The following KLC1 variants were observed in gnomAD, a reference collection of about 807,000 sequenced individuals.
KLC1 encodes the protein kinesin 2 60/70kDa.
KLC1 carries 30 observed loss-of-function variants against 84.2 expected under a neutral mutation model. The ratio of observed to expected loss-of-function variants is 0.36; its 90% CI spans 0.27 to 0.48. The LOEUF (loss-of-function observed/expected upper bound fraction) is 0.48. Among genes scored for constraint, KLC1 ranks in the 20% least tolerant of loss-of-function variants. The probability of loss-of-function intolerance (pLI) is 0.99; values close to 1 mark genes in which losing one functional copy is unlikely to be tolerated. For missense variants in KLC1, 499 were observed against 805.4 expected (o/e 0.62, Z 4.60); for synonymous variants, 289 against 293.3 (o/e 0.99, Z 0.15).
At chr14:103,659,599 C>CTAA (rs2079117405) in intron 3 of KLC1, among the ~76,000 whole-genome samples, 1 of 152,176 alleles carries the variant, frequency 6.6e-6, no homozygotes, top group African/African-American at 2.4e-5. Context: ...GCATTTGGAA[C>CTAA]TAACGTTTTT....
intron 15 of KLC1, chr14:103,699,289 C>T (rs2082890322): frequency 6.5e-7 from 1 of 1,544,158 alleles, no homozygotes; most frequent in African/African-American, 1.4e-5. Context: ...ACCCGCCCCA[C>T]CTCCAGACCG....
chr14:103,629,562 C>T (rs546230545), intron 1 of KLC1, 68 bp downstream of exon 1: 3 of 152,778 alleles, frequency 2.0e-5, no homozygotes, highest in African/African-American at 4.8e-5. Context: ...CTGTCCCGCT[C>T]CTCTTCGGAC....
At chr14:103,687,273 C>T in intron 14 of KLC1, 62 bp downstream of exon 14, 2 of 1,448,230 alleles carry the variant, frequency 1.4e-6, no homozygotes, top group South Asian at 2.5e-5. Context: ...GCTTCTCTTC[C>T]TAGCGCAGCC....
intron 1 of KLC1, among the ~76,000 whole-genome samples, chr14:103,648,242 C>G (rs1157317957): frequency 1.3e-5 from 2 of 152,136 alleles, no homozygotes; most frequent in Admixed American, 1.3e-4. Flanking sequence ...AGCCACCGCG[C>G]CCAGCCTGTA....
At chr14:103,654,891 A>G (rs1406583659) in intron 2 of KLC1, 66 bp downstream of exon 2, 1 of 1,518,316 alleles carries the variant, frequency 6.6e-7, no homozygotes, top group Non-Finnish European at 8.9e-7. Context: ...CTTGTTTGAA[A>G]TAAGCAGTTT....
At chr14:103,642,611 C>T (rs1342261528) in intron 1 of KLC1, among the ~76,000 whole-genome samples, 16 of 152,016 alleles carry the variant, frequency 1.1e-4, no homozygotes, top group African/African-American at 3.6e-4. Context: ...TAAGATGAGC[C>T]TGAAGCTTCT....
chr14:103,647,189 GT>G (rs2078008058), intron 1 of KLC1, among the ~76,000 whole-genome samples: 1 of 151,674 alleles, frequency 6.6e-6, no homozygotes, highest in African/African-American at 2.4e-5. Context: ...TTGAGCATGG[GT>G]TTTTTATTTA....
At chr14:103,689,655 CAGTGCTG>C (rs1457815251) in intron 14 of KLC1, among the ~76,000 whole-genome samples, 1 of 150,296 alleles carries the variant, frequency 6.7e-6, no homozygotes, top group African/African-American at 2.4e-5. Context: ...CAAGTTCCCA[CAGTGCTG>C]GGGCTGCTGG....
chr14:103,699,420 C>T (rs1302863995), intron 15 of KLC1: 1 of 1,612,318 alleles, frequency 6.2e-7, no homozygotes, highest in Non-Finnish European at 8.5e-7. Context: ...CGCAGCGTGG[C>T]CCCCAGGGAC....
chr14:103,668,826 G>A (rs1029539150), intron 5 of KLC1, among the ~76,000 whole-genome samples: 2 of 137,186 alleles, frequency 1.5e-5, no homozygotes, highest in Admixed American at 1.5e-4. Flanking sequence ...CGCCTAGGCT[G>A]GAGTGCAGTG....
intron 7 of KLC1, 70 bp from the exon 8 acceptor site, chr14:103,672,944 A>T (rs2080543989): frequency 3.6e-6 from 5 of 1,382,060 alleles, no homozygotes; most frequent in Non-Finnish European, 5.1e-6. Flanking sequence ...TCCTGATGTG[A>T]CAGTAGGGTG....
chr14:103,675,655 A>G (rs1214077757), intron 10 of KLC1, 34 bp from the exon 11 acceptor site: 1 of 1,604,158 alleles, frequency 6.2e-7, no homozygotes, highest in Non-Finnish European at 8.5e-7. Flanking sequence ...CATTCAAGAT[A>G]ATTATTCATT....
chr14:103,686,211 ACT>A (rs1443990429), intron 13 of KLC1: 2 of 985,028 alleles, frequency 2.0e-6, no homozygotes, highest in Non-Finnish European at 2.4e-6. Context: ...CTTCTAATAA[ACT>A]CACTCCGACT....
intron 3 of KLC1, 60 bp from the exon 4 acceptor site, chr14:103,662,056 T>TCAGGA: frequency 9.0e-7 from 1 of 1,116,548 alleles, no homozygotes; most frequent in Non-Finnish European, 1.3e-6. Flanking sequence ...TTAAAAATTT[T>TCAGGA]CAGGACAGGA....
chr14:103,677,383 C>A (rs754803113), intron 11 of KLC1, 32 bp from the exon 12 acceptor site: 2 of 1,294,728 alleles, frequency 1.5e-6, no homozygotes, highest in African/African-American at 2.9e-5. Context: ...GCTTATATGT[C>A]ATAGTTCTGT....
At chr14:103,646,303 T>G (rs1017664799) in intron 1 of KLC1, among the ~76,000 whole-genome samples, 5 of 152,110 alleles carry the variant, frequency 3.3e-5, no homozygotes, top group Non-Finnish European at 7.4e-5. Flanking sequence ...TAGTGTGTAA[T>G]GAGAACTATT....
At chr14:103,672,219 G>A (rs138452487) in intron 7 of KLC1, among the ~76,000 whole-genome samples, 268 of 152,342 alleles carry the variant, frequency 1.8e-3, no homozygotes, top group Middle Eastern at 6.8e-3. Context: ...TAGGCAGGGG[G>A]AGGTAGGGAA....
Position 103,693,131 on chromosome 14 carries a change from G to C in KLC1, c.1848+706G>C, listed in dbSNP as rs2082216229. On this transcript the variant is annotated intron_variant, in intron 15 of 16. Transcript: ENST00000334553. The surrounding 1 kb of genome is among the most constrained non-coding windows in gnomAD (Gnocchi z 5.1). ...GTCCCTGCCCCTGTGCTGGTGCTGA[G>C]AGTTCGCGACAGTGGCCAGGCACTG... is the stretch of plus-strand genomic sequence containing the variant. Among the ~76,000 whole-genome samples, 1 of 152,252 alleles carries C rather than the reference G, an allele frequency of 6.6e-6. No individual in the cohort carries two copies. The highest frequency in any genetic ancestry group is 2.4e-5 in the African/African-American group (1 of 41,462).
chr14:103,660,119 A>G (rs1395290258), intron 3 of KLC1, among the ~76,000 whole-genome samples: 3 of 152,134 alleles, frequency 2.0e-5, no homozygotes, highest in Admixed American at 6.5e-5. Flanking sequence ...ACAGCATGCT[A>G]TTTCAAAAGG....
Sources: gnomAD v4.1 joint callset for allele counts (sites outside exome capture counted in the v4.1 genomes callset) on GRCh38, gnomAD v4.1.1 for gene constraint, Gnocchi (gnomAD v3.1) non-coding constraint, MANE v1.5 for transcripts, NCBI Gene and HGNC (gene_info 2026-07-23, HGNC 2026-07-21) for gene names.